The following CSMD3 variants were observed in gnomAD, a reference collection of about 807,000 sequenced individuals.
The protein encoded by CSMD3 is CUB and sushi domain-containing protein 3.
In CSMD3, 177 loss-of-function variants were observed where a neutral mutation model predicts 435.2. The observed-to-expected ratio is 0.41, with a 90% CI of 0.36 to 0.46. The LOEUF is 0.46. Among genes scored for constraint, CSMD3 ranks in the 20% least tolerant of loss-of-function variants. The pLI, the probability that CSMD3 is intolerant of heterozygous loss-of-function variation, is 0.34. For synonymous variants in CSMD3, 1,656 were observed against 1,520.5 expected (o/e 1.09, Z -2.07); for missense variants, 4,265 against 4,504.6 (o/e 0.95, Z 1.52).
chr8:112,388,665 G>A (rs1021581561), intron 36 of CSMD3, among the ~76,000 whole-genome samples: 1 of 152,084 alleles, frequency 6.6e-6, no homozygotes, highest in Non-Finnish European at 1.5e-5. Context: ...GTGGGCAGTC[G>A]GACATATGTT....
intron 32 of CSMD3, among the ~76,000 whole-genome samples, chr8:112,423,038 C>CTACAGATTATA (rs1472814267): frequency 6.6e-6 from 1 of 152,134 alleles, no homozygotes; most frequent in Non-Finnish European, 1.5e-5. Flanking sequence ...TGAAATAAAT[C>CTACAGATTATA]TACAGAATGT....
rs1822269828 is a variant in CSMD3, at chr8:112,314,424, G to A, written c.7549+5C>T. 1 of 1,580,750 alleles carries A rather than the reference G, an allele frequency of 6.3e-7. No individual in the cohort carries two copies. Among genetic ancestry groups the A allele is most frequent in the East Asian group, 2.2e-5 (1 of 44,622 alleles). Reference sequence around the variant, plus strand: ...GAATATCCAATAAATATAACCCTTGGTTACCATCATACACCTGAAGAACAT... The same window carrying A: ...GAATATCCAATAAATATAACCCTTGATTACCATCATACACCTGAAGAACAT... On this transcript the variant is annotated splice_donor_5th_base_variant and intron_variant, in intron 48 of 70. Transcript: ENST00000297405.
chr8:112,702,792 T>A (rs1238200156), intron 13 of CSMD3, among the ~76,000 whole-genome samples: 1 of 152,040 alleles, frequency 6.6e-6, no homozygotes, highest in Non-Finnish European at 1.5e-5. Context: ...GTGATGGCTG[T>A]GTCCTGTTAG....
intron 14 of CSMD3, among the ~76,000 whole-genome samples, chr8:112,686,727 C>A (rs1035554566): frequency 3.3e-5 from 5 of 152,070 alleles, no homozygotes; most frequent in African/African-American, 1.2e-4. Context: ...CTCAAGTGAT[C>A]CACCTGCCTC....
At chr8:112,391,460 G>A (rs984457885) in intron 35 of CSMD3, among the ~76,000 whole-genome samples, 2 of 152,146 alleles carry the variant, frequency 1.3e-5, no homozygotes, top group South Asian at 4.1e-4. Flanking sequence ...CACTTTGGGA[G>A]GCTGAGGAGG....
At chr8:112,730,229 T>G (rs1448350375) in intron 13 of CSMD3, among the ~76,000 whole-genome samples, 2 of 152,080 alleles carry the variant, frequency 1.3e-5, no homozygotes, top group African/African-American at 4.8e-5. Context: ...AAAAAGGATA[T>G]ATAGATTGCA....
chr8:112,947,856 G>A lies in CSMD3; in HGVS notation c.1442C>T (p.Thr481Ile), dbSNP rs2083669414. ...TGGATCTGGGCATAAATTGGAAGCT[G>A]TTTTAATACCTCCCTCATTTACTGC... is the stretch of plus-strand genomic sequence containing the variant. ...FSILNEGGIK[T>I]ASNLCPDPGE... The change falls in exon 9 of 71, where the codon ACA (threonine) becomes ATA (isoleucine). Residue 481 changes from threonine to isoleucine, a missense_variant. By Grantham distance (89) the Thr-to-Ile change is moderately conservative (BLOSUM62 -1). This residue lies in a region of CSMD3 where 731 missense variants were observed against 755.4 expected (regional missense o/e 0.97). Transcript: ENST00000297405. The A allele has an allele frequency of 6.6e-7, 1 of 1,509,612 alleles. No homozygotes were observed. 93.5% of individuals were successfully genotyped at this position (1,509,612 alleles called of 1,614,324 possible).
chr8:113,313,782 TAAAGA>T (rs1188386867), intron 2 of CSMD3: 3 of 152,162 alleles, frequency 2.0e-5, no homozygotes, highest in South Asian at 2.1e-4. Context: ...TTATGGCACT[TAAAGA>T]AAAGTATACA....
intron 4 of CSMD3, among the ~76,000 whole-genome samples, chr8:113,138,678 T>C (rs2091475293): frequency 6.6e-6 from 1 of 151,330 alleles, no homozygotes; most frequent in African/African-American, 2.4e-5. Flanking sequence ...GGATTTCAGA[T>C]ACAGGCAAAA....
intron 24 of CSMD3, among the ~76,000 whole-genome samples, chr8:112,561,039 C>A (rs562360901): frequency 6.6e-6 from 1 of 151,682 alleles, no homozygotes; most frequent in South Asian, 2.1e-4. Context: ...TAAATTAAGA[C>A]AATTTATAAT....
chr8:112,923,727 C>A (rs527251622), intron 9 of CSMD3, among the ~76,000 whole-genome samples: 1 of 152,226 alleles, frequency 6.6e-6, no homozygotes, highest in Non-Finnish European at 1.5e-5. Context: ...AGTCTCTTAT[C>A]TATTTTGTTT....
In CSMD3 at chr8:112,273,196, A is replaced by G. The variant is rs148811656; in HGVS notation, c.9509-7606T>C. On this transcript the variant is annotated intron_variant, in intron 59 of 70. Transcript: ENST00000297405. ...ATCACAAAAATAGGAATGTTTATTT[A>G]TTTTTATTTCACTAAAATTGGAAGA... Among the ~76,000 whole-genome samples, 250 of 152,262 alleles carry G rather than the reference A, an allele frequency of 1.6e-3. 2 individuals are homozygous for G. The highest frequency in any genetic ancestry group is 5.8e-3 in the African/African-American group (239 of 41,562).
At chr8:112,983,382 A>G (rs2085123750) in intron 6 of CSMD3, among the ~76,000 whole-genome samples, 1 of 151,632 alleles carries the variant, frequency 6.6e-6, no homozygotes, top group African/African-American at 2.4e-5. Flanking sequence ...TAAAATATAC[A>G]TAAGCCTGCT....
chr8:112,740,846 G>A (rs1383197122), intron 13 of CSMD3, among the ~76,000 whole-genome samples: 1 of 151,902 alleles, frequency 6.6e-6, no homozygotes. Flanking sequence ...AAAAGTAAGA[G>A]CAACAGGTTT....
chr8:112,619,024 A>G (rs1033842734), intron 22 of CSMD3, among the ~76,000 whole-genome samples: 1 of 152,080 alleles, frequency 6.6e-6, no homozygotes, highest in African/African-American at 2.4e-5. Context: ...AAACTATACA[A>G]AGGACATTTG....
At chr8:113,118,992 G>A (rs187836245) in intron 4 of CSMD3, among the ~76,000 whole-genome samples, 62 of 152,238 alleles carry the variant, frequency 4.1e-4, no homozygotes, top group African/African-American at 1.4e-3. Context: ...AATAGAAAGT[G>A]AGAACAAAAA....
chr8:113,386,377 G>A (rs186468129), intron 1 of CSMD3, among the ~76,000 whole-genome samples: 102 of 151,996 alleles, frequency 6.7e-4, no homozygotes, highest in Non-Finnish European at 3.5e-4. Flanking sequence ...AAATGAAGAC[G>A]AAAATATATG....
At chr8:112,262,310 T>C (rs926104795) in intron 61 of CSMD3, among the ~76,000 whole-genome samples, 2 of 152,252 alleles carry the variant, frequency 1.3e-5, no homozygotes, top group African/African-American at 2.4e-5. Context: ...ATTGTTTTAC[T>C]TTCTATACCT....
chr8:113,219,329 T>C (rs563853206), intron 3 of CSMD3, among the ~76,000 whole-genome samples: 56 of 151,326 alleles, frequency 3.7e-4, no homozygotes, highest in Non-Finnish European at 5.9e-4. Context: ...CCTGGAAAAC[T>C]TTAGAGAAGC....
Sources: allele counts gnomAD v4.1 joint callset (sites outside exome capture counted in the v4.1 genomes callset), GRCh38; gene constraint gnomAD v4.1.1; regional missense constraint gnomAD v4.1.1; transcripts MANE v1.5; gene names NCBI Gene and HGNC (gene_info 2026-07-23, HGNC 2026-07-21).